The following ATP1A3 variants were observed in gnomAD, a reference collection of about 807,000 sequenced individuals.
ATP1A3 encodes the protein ATPase Na+/K+ transporting subunit alpha 3, also known as sodium/potassium-transporting ATPase subunit alpha-3.
Under a neutral mutation model 108.8 loss-of-function variants are expected in ATP1A3, and 12 were observed. The observed-to-expected ratio is 0.11, with a 90% CI of 0.07 to 0.18. ATP1A3 has a LOEUF of 0.18. ATP1A3 is among the 10% of genes least tolerant of loss of function. ATP1A3 has a pLI of 1.00. For synonymous variants in ATP1A3, 539 were observed against 564.5 expected (o/e 0.95, Z 0.64); for missense variants, 498 against 1,387.7 (o/e 0.36, Z 10.19).
rs2075067764 is a variant in ATP1A3, at chr19:41,968,438, G to C, written c.2819+347C>G. On this transcript the variant is annotated intron_variant, in intron 20 of 22. Transcript: ENST00000648268. This position sits in a 1 kb window ranked among gnomAD's most constrained non-coding sequence, Gnocchi z 5.0. The stretch of plus-strand genomic sequence containing the variant: ...GCATGAGAATCGCTTGAACCCGGGA[G>C]GCGGAGGTTGCAGTGAGCCAAGATT... Among the ~76,000 whole-genome samples the C allele has an allele frequency of 6.6e-6, 1 of 152,186 alleles. No individual in the cohort carries two copies. Among genetic ancestry groups the C allele is most frequent in the Admixed American group, 6.5e-5 (1 of 15,274 alleles).
chr19:41,968,653 G>A lies in ATP1A3; in HGVS notation c.2819+132C>T, dbSNP rs571616795. On this transcript the variant is annotated intron_variant, in intron 20 of 22. Coordinates refer to ENST00000648268, the MANE Select transcript of ATP1A3 (RefSeq NM_152296.5). This position sits in a 1 kb window ranked among gnomAD's most constrained non-coding sequence, Gnocchi z 5.0. ...ATTACACCACTGAACTCCAGTCTGG[G>A]TGACAGAGTGAGACCCTGCCTCAAC... The A allele has an allele frequency of 2.6e-4, 368 of 1,431,548 alleles. No homozygotes were observed. The African/African-American group carries it at 3.6e-3, about 14-fold the overall frequency. The allele number at this position is 1,431,548 out of a possible 1,614,324, so 88.7% of individuals were successfully genotyped here. A position where few individuals can be genotyped will look rare whatever the true frequency, so the allele number is the denominator to read the frequency against.
rs201573515 is a variant in ATP1A3, at chr19:41,988,102, C to T, written c.191G>A (p.Arg64Gln). 104 of 1,613,998 alleles carry T rather than the reference C, an allele frequency of 6.4e-5. No homozygotes were observed. The highest frequency in any genetic ancestry group is 1.6e-4 in the Middle Eastern group (1 of 6,084). Reference sequence around the variant, plus strand: ...TGGCGTGAGTGCGTTAGGCCCATCCCGGGCCAGGATCTCCTGGGCTTTGCT... The same window carrying T: ...TGGCGTGAGTGCGTTAGGCCCATCCTGGGCCAGGATCTCCTGGGCTTTGCT... ...THSKAQEILA[R>Q]DGPNALTPPP... Residue 64 changes from arginine (R) to glutamine (Q), a missense_variant, in exon 4 of 23, where the codon CGG (arginine) becomes CAG (glutamine). This residue lies in a region of ATP1A3 where 127 missense variants were observed against 464.0 expected (regional missense o/e 0.27). Transcript: ENST00000648268. The surrounding 1 kb of genome is among the most constrained non-coding windows in gnomAD (Gnocchi z 5.3).
intron 1 of ATP1A3, 31 bp downstream of exon 1, chr19:41,994,040 G>A (rs1555868211): frequency 2.5e-6 from 4 of 1,609,162 alleles, no homozygotes; most frequent in Non-Finnish European, 3.4e-6. Flanking sequence ...AATGTCACAC[G>A]GAAGCGGCGC....
intron 4 of ATP1A3, among the ~76,000 whole-genome samples, chr19:41,987,595 A>G (rs1286481509): frequency 6.6e-6 from 1 of 152,130 alleles, no homozygotes; most frequent in Non-Finnish European, 1.5e-5. Flanking sequence ...ATGTATCAGC[A>G]GCGGGGTGTG....
At chr19:41,973,242 G>C (rs1005412881) in intron 16 of ATP1A3, among the ~76,000 whole-genome samples, 1 of 152,088 alleles carries the variant, frequency 6.6e-6, no homozygotes, top group African/African-American at 2.4e-5. Context: ...GAATGCCCCC[G>C]TTGGAAGTTA....
chr19:41,984,578 C>G (rs2075268500), intron 8 of ATP1A3: 1 of 292,206 alleles, frequency 3.4e-6, no homozygotes, highest in African/African-American at 2.2e-5. Flanking sequence ...CATGAGCGTG[C>G]ACTTCTTAAT....
At position 41,967,687 on chromosome 19, in the gene ATP1A3, C is replaced by T. The variant is rs782665893; in HGVS notation, c.2896G>A (p.Val966Met). The change falls in exon 21 of 23, where the codon GTG becomes ATG. Residue 966 changes from valine to methionine, a missense_variant. This residue lies in a region of ATP1A3 where 121 missense variants were observed against 425.1 expected (regional missense o/e 0.28). Transcript: ENST00000648268. This position sits in a 1 kb window ranked among gnomAD's most constrained non-coding sequence, Gnocchi z 4.2. Reference protein sequence around the residue: ...AFLSYCPGMDVALRMYPLKPS... With the variant: ...AFLSYCPGMDMALRMYPLKPS... ...TTGAGAGGGTACATGCGCAGGGCCA[C>T]GTCCATGCCGGGGCAGTAGGACAGG... 5.6e-6 allele frequency: 9 copies of T among 1,613,886 alleles called. No individual in the cohort carries two copies. Among genetic ancestry groups the T allele is most frequent in the East Asian group, 4.5e-5 (2 of 44,876 alleles).
chr19:41,986,745 T>C, intron 4 of ATP1A3: 1 of 162,928 alleles, frequency 6.1e-6, no homozygotes, highest in Non-Finnish European at 1.3e-5. Context: ...TGGCATTTTT[T>C]TTTTTTTTTT....
At chr19:41,975,333 G>T (rs2075154623) in intron 16 of ATP1A3, among the ~76,000 whole-genome samples, 1 of 152,220 alleles carries the variant, frequency 6.6e-6, no homozygotes, top group African/African-American at 2.4e-5. Context: ...TTACAGGCGT[G>T]GCTGCCGCCC....
At position 41,966,657 on chromosome 19, in the gene ATP1A3, A is replaced by G. The variant is rs886054472; in HGVS notation, c.*280T>C. 7 of 1,512,012 alleles carry G rather than the reference A, an allele frequency of 4.6e-6. No homozygotes were observed. The highest frequency in any genetic ancestry group is 1.7e-4 in the Middle Eastern group (1 of 5,826). The allele number at this position is 1,512,012 out of a possible 1,614,324, so 93.7% of individuals were successfully genotyped here. ...ATCAGCCGGGGGGCTGAAGGGGAGT[A>G]AAAAAGAGCCCAGGGAGGTGGCTGG... is the stretch of plus-strand genomic sequence containing the variant. On this transcript the variant is annotated 3_prime_UTR_variant, in exon 23 of 23. Transcript: ENST00000648268.
At position 41,984,616 on chromosome 19, in the gene ATP1A3, G is replaced by A. The variant is rs1328601609; in HGVS notation, c.993+302C>T. 4 of 372,262 alleles carry A rather than the reference G, an allele frequency of 1.1e-5. No homozygotes were observed. In the Admixed American group the frequency reaches 1.3e-4, roughly 12 times the overall value. The allele number at this position is 372,262 out of a possible 1,614,324, so 23.1% of individuals were successfully genotyped here. ...TGCAATAGGATTGTTGGCTCTTTAC[G>A]GCTTGCCAGTGTTTCTCAAGATTTT... On this transcript the variant is annotated intron_variant, in intron 8 of 22. Transcript: ENST00000648268.
chr19:41,978,013 G>T lies in ATP1A3; in HGVS notation c.1866C>A (p.Gly622=), dbSNP rs1555861997. The T allele has an allele frequency of 6.2e-7, 1 of 1,614,130 alleles. No homozygotes were observed. The highest frequency in any genetic ancestry group is 8.5e-7 in the Non-Finnish European group (1 of 1,180,048). The change falls in exon 14 of 23, where the codon GGC becomes GGA. Residue 622 remains glycine (G), a synonymous_variant. Coordinates refer to ENST00000648268, the MANE Select transcript of ATP1A3 (RefSeq NM_152296.5). This position sits in a 1 kb window ranked among gnomAD's most constrained non-coding sequence, Gnocchi z 8.3. ...ITAKAIAKGV[G]IISEGNETVE... The stretch of plus-strand genomic sequence containing the variant: ...CAGTCTCGTTGCCCTCAGAGATGAT[G>T]CCCACACCCTTGGCAATGGCCTTGG...
rs1458233313 is a variant in ATP1A3, at chr19:41,993,901, C to T, written c.6+170G>A. On this transcript the variant is annotated intron_variant, in intron 1 of 22. Transcript: ENST00000648268. ...ACGTGCGCCACAGACCCCCCGCCGC[C>T]CCCTGCGGCCCCACGACCACATGGA... The T allele has an allele frequency of 4.8e-6, 6 of 1,259,496 alleles. No individual in the cohort carries two copies. The Admixed American group carries it at 9.5e-5, about 20-fold the overall frequency. The allele number at this position is 1,259,496 out of a possible 1,614,324, so 78.0% of individuals were successfully genotyped here. A position where few individuals can be genotyped will look rare whatever the true frequency, so the allele number is the denominator to read the frequency against.
chr19:41,992,489 T>C (rs2075350038), intron 1 of ATP1A3, among the ~76,000 whole-genome samples: 1 of 151,852 alleles, frequency 6.6e-6, no homozygotes, highest in Non-Finnish European at 1.5e-5. Context: ...CGGCCTCCCT[T>C]CCCCCTCGCA....
In ATP1A3 at chr19:41,967,221, C is replaced by T. The variant is rs782818855; in HGVS notation, c.3013+28G>A. The T allele has an allele frequency of 3.1e-6, 5 of 1,613,946 alleles. No homozygotes were observed. The highest frequency in any genetic ancestry group is 2.2e-5 in the East Asian group (1 of 44,876). On this transcript the variant is annotated intron_variant, in intron 22 of 22. Coordinates refer to ENST00000648268, the MANE Select transcript of ATP1A3 (RefSeq NM_152296.5). The surrounding 1 kb of genome is among the most constrained non-coding windows in gnomAD (Gnocchi z 4.2). ...CTGAGACCCTGCTGCCCCCCGCCCC[C>T]CTCGGCTGCCTTGCCGAGCTCCCTC...
Position 41,967,754 on chromosome 19 carries a change from G to A in ATP1A3, c.2829C>T (p.Ile943=). The A allele has an allele frequency of 6.2e-7, 1 of 1,613,982 alleles. No individual in the cohort carries two copies. Among genetic ancestry groups the A allele is most frequent in the Non-Finnish European group, 8.5e-7 (1 of 1,179,962 alleles). ...TCTCCTCAAACAGCCCGAAGATCAG[G>A]ATCTTGTTCCTGGAGGCACAGAAGG... ...SVFQQGMKNK[I]LIFGLFEETA... The change falls in exon 21 of 23, where the codon ATC becomes ATT. Residue 943 remains isoleucine, a synonymous_variant. Transcript: ENST00000648268. This position sits in a 1 kb window ranked among gnomAD's most constrained non-coding sequence, Gnocchi z 4.2.
chr19:41,970,684 T>G, intron 16 of ATP1A3, 142 bp from the exon 17 acceptor site: 3 of 1,017,922 alleles, frequency 2.9e-6, no homozygotes, highest in East Asian at 2.7e-5. Context: ...CAGGCTGGAG[T>G]GCAGTGGTGC....
At chr19:41,972,245 A>T (rs1317823811) in intron 16 of ATP1A3, among the ~76,000 whole-genome samples, 1 of 151,480 alleles carries the variant, frequency 6.6e-6, no homozygotes, top group Non-Finnish European at 1.5e-5. Context: ...GCAAGACTCC[A>T]TCTCAAAAAA....
intron 1 of ATP1A3, chr19:41,993,323 G>C (rs2075357628): frequency 4.1e-6 from 6 of 1,453,504 alleles, no homozygotes; most frequent in Non-Finnish European, 5.6e-6. Context: ...CAAGGACACA[G>C]CCAGGCATGC....
Sources: gnomAD v4.1 joint callset for allele counts (sites outside exome capture counted in the v4.1 genomes callset) on GRCh38, gnomAD v4.1.1 for gene constraint, gnomAD v4.1.1 regional missense constraint, Gnocchi (gnomAD v3.1) non-coding constraint, MANE v1.5 for transcripts, NCBI Gene and HGNC (gene_info 2026-07-23, HGNC 2026-07-21) for gene names.